Variants in TTC34 observed in about 807,000 individuals in gnomAD.
The protein encoded by TTC34 is tetratricopeptide repeat domain 34.
TTC34 carries 44 observed loss-of-function variants against 40.7 expected under a neutral mutation model. The observed-to-expected ratio is 1.08, with a 90% confidence interval of 0.85 to 1.39. The LOEUF (loss-of-function observed/expected upper bound fraction) is 1.39, where lower values mean the gene tolerates loss of function less well. Among genes scored for constraint, TTC34 ranks in the 40% most tolerant of loss-of-function variants. The pLI is 0.00. For missense variants in TTC34, 884 were observed against 838.0 expected (o/e 1.05, Z -0.68); for synonymous variants, 422 against 398.6 (o/e 1.06, Z -0.70).
In TTC34 at chr1:2,645,403, A is replaced by G. The variant is rs1193095431; in HGVS notation, c.2387T>C (p.Leu796Pro). 1.3e-6 allele frequency: 2 copies of G among 1,535,618 alleles called. No individual in the cohort carries two copies. Among genetic ancestry groups the G allele is most frequent in the Non-Finnish European group, 1.7e-6 (2 of 1,146,708 alleles). Residue 796 changes from leucine (L) to proline (P), a missense_variant, in exon 7 of 9, where the codon CTC (leucine) becomes CCC (proline). Leu to Pro is a moderately conservative substitution (Grantham distance 98, BLOSUM62 -3). Coordinates refer to ENST00000401095, the Ensembl canonical transcript of TTC34. This position sits in a 1 kb window ranked among gnomAD's most constrained non-coding sequence, Gnocchi z 4.7. ...GAGGCCCTGGGTGTCCTTGTCCTCG[A>G]GAGGGGCCCCAGTGTCTGGCAGCTG...
intron 6 of TTC34, among the ~76,000 whole-genome samples, chr1:2,761,166 C>A (rs1256717955): frequency 2.5e-5 from 1 of 40,694 alleles, no homozygotes; most frequent in Non-Finnish European, 3.9e-5. Context: ...CCGACCCCCC[C>A]AGGGTGAGCA....
chr1:2,748,033 CCTG>C, intron 6 of TTC34, among the ~76,000 whole-genome samples: 1 of 60,798 alleles, frequency 1.6e-5, no homozygotes, highest in African/African-American at 1.5e-4. Context: ...GGAACAGCAC[CCTG>C]CACACCCAGG....
intron 5 of TTC34, among the ~76,000 whole-genome samples, chr1:2,784,980 C>CACTCTGGGCCACTCTGGGCT (rs1348331868): frequency 3.7e-4 from 10 of 27,178 alleles, no homozygotes; most frequent in African/African-American, 2.0e-3. Context: ...CACTCTGGGC[C>CACTCTGGGCCACTCTGGGCT]GCTCTGGGCT....
At chr1:2,759,630 C>T (rs1641625952) in intron 6 of TTC34, among the ~76,000 whole-genome samples, 5 of 151,648 alleles carry the variant, frequency 3.3e-5, no homozygotes, top group East Asian at 3.9e-4. Flanking sequence ...CCTGGAACAG[C>T]ACCCACACCC....
intron 6 of TTC34, among the ~76,000 whole-genome samples, chr1:2,686,696 C>A (rs1185266221): frequency 5.7e-4 from 19 of 33,528 alleles, no homozygotes; most frequent in East Asian, 3.5e-3. Flanking sequence ...CAGGTGCGCA[C>A]GTGACAGCCT....
intron 6 of TTC34, among the ~76,000 whole-genome samples, chr1:2,683,291 G>C (rs1425038977): frequency 6.7e-6 from 1 of 149,742 alleles, no homozygotes; most frequent in South Asian, 2.1e-4. Context: ...GCATCTGACA[G>C]CCTGGAACAG....
At chr1:2,789,970 C>T (rs1271107912) in exon 3 of TTC34, 2 of 391,888 alleles carry the variant, frequency 5.1e-6, no homozygotes, top group Non-Finnish European at 9.0e-6. Flanking sequence ...GGGCGCCCGC[C>T]GCGTCCCCTG....
At chr1:2,688,329 C>A (rs79657442) in intron 6 of TTC34, among the ~76,000 whole-genome samples, 9 of 150,320 alleles carry the variant, frequency 6.0e-5, no homozygotes, top group South Asian at 2.1e-4. Flanking sequence ...GAACCCCACA[C>A]CCCCAGGTGA....
intron 6 of TTC34, among the ~76,000 whole-genome samples, chr1:2,650,049 C>T (rs1384339207): frequency 6.6e-6 from 1 of 151,724 alleles, no homozygotes; most frequent in Non-Finnish European, 1.5e-5. Flanking sequence ...TGGCACTCTG[C>T]ATCCCCAGGT....
chr1:2,795,840 A>G (rs978670487), intron 2 of TTC34, among the ~76,000 whole-genome samples: 3 of 152,224 alleles, frequency 2.0e-5, no homozygotes, highest in African/African-American at 7.2e-5. Flanking sequence ...TCTTGTCCTC[A>G]TACATCGTGT....
rs761900936 is a variant in TTC34 at position 2,797,311 on chromosome 1, C to CTGGGGGGGGGG, written c.784+2732_784+2733insCCCCCCCCCCA. ...GATGTCTGCTGGCCTGGGATGGGGG[C>CTGGGGGGGGGG]TGGGGCACGAGGAAAGGGCAGGGAG... On this transcript the variant is annotated intron_variant, in intron 2 of 8. Transcript: ENST00000401095. 4.1e-3 allele frequency among the ~76,000 whole-genome samples: 620 copies of CTGGGGGGGGGG among 152,144 alleles called. 2 individuals carry two copies. Among genetic ancestry groups the CTGGGGGGGGGG allele is most frequent in the African/African-American group, 0.014 (592 of 41,392 alleles).
At chr1:2,699,007 A>G (rs562559595) in intron 6 of TTC34, among the ~76,000 whole-genome samples, 6 of 59,304 alleles carry the variant, frequency 1.0e-4, no homozygotes, top group African/African-American at 2.4e-4. Context: ...AAAGGCACCC[A>G]CACCACCAGG....
chr1:2,692,435 C>G (rs1299926345), intron 6 of TTC34, among the ~76,000 whole-genome samples: 2 of 127,162 alleles, frequency 1.6e-5, no homozygotes, highest in Admixed American at 1.6e-4. Flanking sequence ...CCCAGGTGAG[C>G]ATCTGACTGC....
Position 2,789,494 on chromosome 1 carries a change from G to C in TTC34, c.1628+9C>G. On this transcript the variant is annotated intron_variant, in intron 3 of 8. Coordinates refer to ENST00000401095, the Ensembl canonical transcript of TTC34. ...GCAGCGGCCCCAGCGTGCCCGGGCGGGTCCTCACCCCTCCTGCGTGGTGGG... is the reference window on the plus strand; with the variant it reads ...GCAGCGGCCCCAGCGTGCCCGGGCGCGTCCTCACCCCTCCTGCGTGGTGGG... 1 of 1,507,954 alleles carries C rather than the reference G, an allele frequency of 6.6e-7. No individual in the cohort carries two copies. The highest frequency in any genetic ancestry group is 8.8e-7 in the Non-Finnish European group (1 of 1,132,356). The allele number at this position is 1,507,954 out of a possible 1,614,324, so 93.4% of individuals were successfully genotyped here.
chr1:2,750,158 A>T (rs1361827753), intron 6 of TTC34, among the ~76,000 whole-genome samples: 1 of 79,384 alleles, frequency 1.3e-5, no homozygotes, highest in African/African-American at 4.9e-5. Flanking sequence ...GGAGCAGAAC[A>T]AACACCCCCA....
chr1:2,687,751 G>A (rs572216228), intron 6 of TTC34, among the ~76,000 whole-genome samples: 1 of 150,366 alleles, frequency 6.7e-6, no homozygotes, highest in Admixed American at 6.6e-5. Flanking sequence ...CCGACAGCCT[G>A]GAGCAGAACC....
chr1:2,684,741 GGAACAGCACCAAAAACCCCAGGT>G (rs1640244158), intron 6 of TTC34, among the ~76,000 whole-genome samples: 1 of 130,072 alleles, frequency 7.7e-6, no homozygotes, highest in Admixed American at 7.6e-5. Context: ...CCGACAGCCT[GGAACAGCACCAAAAACCCCAGGT>G]GAGCATCTGA....
intron 6 of TTC34, among the ~76,000 whole-genome samples, chr1:2,782,408 G>A (rs369757429): frequency 1.4e-4 from 21 of 152,206 alleles, no homozygotes; most frequent in African/African-American, 4.8e-4. Context: ...CTGGCAAAAG[G>A]TTTGTCAAAT....
Position 2,796,736 on chromosome 1 carries a change from G to T in TTC34, c.784+3308C>A, listed in dbSNP as rs1354110921. Among the ~76,000 whole-genome samples, 3 of 152,264 alleles carry T rather than the reference G, an allele frequency of 2.0e-5. No individual in the cohort carries two copies. In the East Asian group the frequency reaches 5.8e-4, roughly 29 times the overall value. Reference sequence around the variant, plus strand: ...TGAGTGCCTGTGCTCTGGGCACCCGGGGTCCCCTCCTTCCTCAGAAGCTCA... The same window carrying T: ...TGAGTGCCTGTGCTCTGGGCACCCGTGGTCCCCTCCTTCCTCAGAAGCTCA... On this transcript the variant is annotated intron_variant, in intron 2 of 8. Coordinates refer to ENST00000401095, the Ensembl canonical transcript of TTC34. The surrounding 1 kb of genome is among the most constrained non-coding windows in gnomAD (Gnocchi z 4.5).
Sources: gnomAD v4.1 joint callset for allele counts (sites outside exome capture counted in the v4.1 genomes callset) on GRCh38, gnomAD v4.1.1 for gene constraint, Gnocchi (gnomAD v3.1) non-coding constraint, MANE v1.5 for transcripts, NCBI Gene and HGNC (gene_info 2026-07-23, HGNC 2026-07-21) for gene names.